VPS13C: variants seen among roughly 807,000 people sequenced by gnomAD.
The protein encoded by VPS13C is intermembrane lipid transfer protein VPS13C.
In VPS13C, 358 loss-of-function variants were observed where a neutral mutation model predicts 456.8. The observed-to-expected ratio is 0.78, with a 90% CI of 0.72 to 0.86. The LOEUF (loss-of-function observed/expected upper bound fraction) is 0.86. Among genes scored for constraint, VPS13C ranks in the 40% least tolerant of loss-of-function variants. VPS13C has a pLI of 0.00. For missense variants in VPS13C, 4,818 were observed against 4,385.4 expected, an observed-to-expected ratio of 1.10 and a Z score of -2.79; for synonymous variants, 1,578 against 1,486.7, an observed-to-expected ratio of 1.06 and a Z score of -1.41.
chr15:61,910,807 T>C (rs2140145117), intron 63 of VPS13C, among the ~76,000 whole-genome samples: 1 of 152,246 alleles, frequency 6.6e-6, no homozygotes, highest in Non-Finnish European at 1.5e-5. Context: ...ACTTACTTCT[T>C]TGAGCCTCAG....
Position 61,963,840 on chromosome 15 carries a change from A to C in VPS13C, c.3326T>G (p.Ile1109Ser). ...AATGCCGTGTGAACTTTTACCTTGA[A>C]TCTTGATTTCGGCGATATTGTTCTT... ...NEKNNIAEIK[I>S]QGLDSSLSLQ... Residue 1109 changes from isoleucine (I) to serine (S), a missense_variant, in exon 32 of 85, where the codon ATT becomes AGT. Coordinates refer to ENST00000644861, the MANE Select transcript of VPS13C (RefSeq NM_020821.3). 6.2e-7 allele frequency: 1 copy of C among 1,606,700 alleles called. No homozygotes were observed. The highest frequency in any genetic ancestry group is 8.5e-7 in the Non-Finnish European group (1 of 1,175,974).
Position 62,008,639 on chromosome 15 carries a change from AC to A in VPS13C, c.1118+15del, listed in dbSNP as rs1434572835. 1 of 1,566,362 alleles carries A rather than the reference AC, an allele frequency of 6.4e-7. No homozygotes were observed. Among genetic ancestry groups the A allele is most frequent in the East Asian group, 2.3e-5 (1 of 44,114 alleles). On this transcript the variant is annotated intron_variant, in intron 14 of 84. Coordinates refer to ENST00000644861, the MANE Select transcript of VPS13C (RefSeq NM_020821.3). ...TTATATGTTCCTCACAAAACAAAAA[AC>A]AAATTCTAACTTACCATCGTCGACC...
Position 61,881,790 on chromosome 15 carries a change from T to C in VPS13C, c.9663A>G (p.Val3221=), listed in dbSNP as rs759582038. The C allele has an allele frequency of 6.2e-7, 1 of 1,606,596 alleles. No homozygotes were observed. Among genetic ancestry groups the C allele is most frequent in the South Asian group, 1.1e-5 (1 of 89,084 alleles). Residue 3221 remains valine (V), a synonymous_variant, in exon 70 of 85, where the codon GTA becomes GTG. Coordinates refer to ENST00000644861, the MANE Select transcript of VPS13C (RefSeq NM_020821.3). ...ATTTTGGAGGGGCAACAGGATGAAA[T>C]ACAACAGGGAACATTGCACCTGGTA... The part of the protein sequence containing the change: ...NQLPGAMFPV[V]FHPVAPPKSI...
chr15:61,967,476 G>A (rs756259271), intron 28 of VPS13C, 29 bp from the exon 29 acceptor site: 2 of 1,521,058 alleles, frequency 1.3e-6, no homozygotes, highest in Admixed American at 4.1e-5. Flanking sequence ...AAAAAAAAGT[G>A]TTTCAAATAA....
intron 47 of VPS13C, among the ~76,000 whole-genome samples, chr15:61,939,187 G>C (rs2044330756): frequency 6.6e-6 from 1 of 152,118 alleles, no homozygotes; most frequent in Non-Finnish European, 1.5e-5. Flanking sequence ...ATCTTTGAAA[G>C]GGATTGTCAG....
chr15:61,934,738 CTTTATTTTAT>C (rs541420213), intron 48 of VPS13C, among the ~76,000 whole-genome samples: 2 of 151,920 alleles, frequency 1.3e-5, no homozygotes, highest in African/African-American at 2.4e-5. Context: ...CTCTCACTAA[CTTTATTTTAT>C]TTTATTTTAT....
At chr15:62,016,916 C>G (rs2047273204) in intron 9 of VPS13C, among the ~76,000 whole-genome samples, 2 of 152,208 alleles carry the variant, frequency 1.3e-5, no homozygotes, top group Non-Finnish European at 1.5e-5. Flanking sequence ...TATTTCTCCA[C>G]ATCCTCTCCA....
intron 45 of VPS13C, among the ~76,000 whole-genome samples, chr15:61,942,785 T>C (rs757696486): frequency 6.6e-6 from 1 of 152,092 alleles, no homozygotes; most frequent in Non-Finnish European, 1.5e-5. Flanking sequence ...TCCAAGTTAA[T>C]TGCTCTCTAG....
rs374462639 is a variant in VPS13C at position 61,869,637 on chromosome 15, A to G, written c.10625-14T>C. On this transcript the variant is annotated splice_polypyrimidine_tract_variant and intron_variant, in intron 79 of 84. Transcript: ENST00000644861. ...CCTTTTTGGCACCTTCAGAAAACCA[A>G]TGACCATGAATGGATAAAGATATTT... is the stretch of plus-strand genomic sequence containing the variant. The G allele has an allele frequency of 4.3e-6, 7 of 1,613,684 alleles. No homozygotes were observed. The African/African-American group carries it at 8.0e-5, about 18-fold the overall frequency.
intron 65 of VPS13C, among the ~76,000 whole-genome samples, 173 bp from the exon 66 acceptor site, chr15:61,907,563 T>C (rs1162911868): frequency 6.6e-6 from 1 of 152,170 alleles, no homozygotes; most frequent in East Asian, 1.9e-4. Flanking sequence ...CTCATGGTTT[T>C]TAAGCTCGGG....
chr15:61,900,336 G>A (rs1433019083), intron 66 of VPS13C, among the ~76,000 whole-genome samples: 2 of 152,194 alleles, frequency 1.3e-5, no homozygotes, highest in Non-Finnish European at 2.9e-5. Flanking sequence ...CCTGTTTGCA[G>A]ACGACATGAT....
intron 81 of VPS13C, chr15:61,866,145 G>A: frequency 1.0e-6 from 1 of 984,868 alleles, no homozygotes; most frequent in Non-Finnish European, 1.2e-6. Context: ...GATGGGCAAA[G>A]AATGAAATAG....
chr15:61,962,855 GA>G lies in VPS13C; in HGVS notation c.3332-4del. On this transcript the variant is annotated splice_region_variant and splice_polypyrimidine_tract_variant and intron_variant, in intron 32 of 84. Coordinates refer to ENST00000644861, the MANE Select transcript of VPS13C (RefSeq NM_020821.3). The stretch of plus-strand genomic sequence containing the variant: ...GAGAGAAAGGGAGGAATCCAGTCCT[GA>G]AAAAAAGAGTGTATTATTATAATTT... The G allele has an allele frequency of 1.8e-5, 28 of 1,565,866 alleles. No individual in the cohort carries two copies. The highest frequency in any genetic ancestry group is 2.3e-5 in the South Asian group (2 of 85,160).
At position 61,920,651 on chromosome 15, in the gene VPS13C, T is replaced by C. The variant is rs745798981; in HGVS notation, c.7063-4A>G. The C allele has an allele frequency of 2.6e-6, 4 of 1,558,670 alleles. No individual in the cohort carries two copies. The highest frequency in any genetic ancestry group is 1.2e-5 in the South Asian group (1 of 81,900). On this transcript the variant is annotated splice_region_variant and splice_polypyrimidine_tract_variant and intron_variant, in intron 55 of 84. Coordinates refer to ENST00000644861, the MANE Select transcript of VPS13C (RefSeq NM_020821.3). Reference sequence around the variant, plus strand: ...CCTGAACTGGGTTCTTCTTTACCTATGAAGAAAAATAACACAGCAAATTTA... The same window carrying C: ...CCTGAACTGGGTTCTTCTTTACCTACGAAGAAAAATAACACAGCAAATTTA...
chr15:62,030,163 T>C (rs2047764283), intron 5 of VPS13C, among the ~76,000 whole-genome samples: 1 of 152,170 alleles, frequency 6.6e-6, no homozygotes, highest in African/African-American at 2.4e-5. Context: ...AAATTTCATG[T>C]AGCATGTGAA....
chr15:61,991,897 T>G, intron 16 of VPS13C, 95 bp from the exon 17 acceptor site: 1 of 1,365,596 alleles, frequency 7.3e-7, no homozygotes, highest in Non-Finnish European at 9.9e-7. Context: ...TCTTTTTTTT[T>G]TTTTAACGCT....
chr15:62,015,152 C>T (rs1218198748), intron 9 of VPS13C, among the ~76,000 whole-genome samples: 1 of 152,180 alleles, frequency 6.6e-6, no homozygotes, highest in Non-Finnish European at 1.5e-5. Flanking sequence ...TCATTAGTCA[C>T]AGTTTTCTGG....
Position 61,854,919 on chromosome 15 carries a change from A to T in VPS13C, c.11112T>A (p.Asn3704Lys), listed in dbSNP as rs765867470. The change falls in exon 84 of 85, where the codon AAT becomes AAA. Residue 3704 changes from asparagine to lysine, a missense_variant. This residue lies in a region of VPS13C where 261 missense variants were observed against 234.1 expected (regional missense o/e 1.11). Transcript: ENST00000644861. ...QGLFHKKDSANQGCVRKVYLK... is the reference protein window; with the variant it reads ...QGLFHKKDSAKQGCVRKVYLK... The stretch of plus-strand genomic sequence containing the variant: ...GGTAAACTTTTCGAACACAGCCTTG[A>T]TTGGCACTGTCTTTTTTGTGGAACA... 3.1e-6 allele frequency: 5 copies of T among 1,613,436 alleles called. No homozygotes were observed. The highest frequency in any genetic ancestry group is 4.2e-6 in the Non-Finnish European group (5 of 1,179,780).
chr15:61,881,807 C>T lies in VPS13C; in HGVS notation c.9646G>A (p.Ala3216Thr), dbSNP rs145353729. ...WLQVDNQLPG[A>T]MFPVVFHPVA... ...GGATGAAATACAACAGGGAACATTGCACCTGGTAACTGATTATCAACCTGA... is the reference window on the plus strand; with the variant it reads ...GGATGAAATACAACAGGGAACATTGTACCTGGTAACTGATTATCAACCTGA... Residue 3216 changes from alanine to threonine, a missense_variant, in exon 70 of 85, where the codon GCA (alanine) becomes ACA (threonine). Physicochemically the swap from Ala to Thr is moderately conservative, Grantham distance 58. Transcript: ENST00000644861. 1.3e-6 allele frequency: 2 copies of T among 1,596,302 alleles called. No homozygotes were observed. Among genetic ancestry groups the T allele is most frequent in the Non-Finnish European group, 1.7e-6 (2 of 1,175,692 alleles).
Sources: allele counts gnomAD v4.1 joint callset (sites outside exome capture counted in the v4.1 genomes callset), GRCh38; gene constraint gnomAD v4.1.1; regional missense constraint gnomAD v4.1.1; transcripts MANE v1.5; gene names NCBI Gene and HGNC (gene_info 2026-07-23, HGNC 2026-07-21).